The following SORL1 variants were observed in gnomAD, a reference collection of about 807,000 sequenced individuals.
The protein encoded by SORL1 is sortilin related receptor 1.
SORL1 carries 127 observed loss-of-function variants against 273.7 expected under a neutral mutation model. That is an observed-to-expected ratio of 0.46 (90% CI 0.40 to 0.54). The LOEUF is 0.54. Among genes scored for constraint, SORL1 ranks in the 20% least tolerant of loss-of-function variants. The probability of loss-of-function intolerance (pLI) is 0.00; values close to 1 mark genes in which losing one functional copy is unlikely to be tolerated. For missense variants in SORL1, 2,494 were observed against 2,846.1 expected (o/e 0.88, Z 2.81); for synonymous variants, 1,031 against 1,067.4 (o/e 0.97, Z 0.66).
intron 1 of SORL1, among the ~76,000 whole-genome samples, chr11:121,462,484 C>A (rs1392596022): frequency 1.3e-5 from 2 of 152,204 alleles, no homozygotes; most frequent in Non-Finnish European, 2.9e-5. Flanking sequence ...CCCTGTGTAA[C>A]AACAGTAATT....
At chr11:121,570,477 A>AT (rs1322120710) in intron 23 of SORL1, among the ~76,000 whole-genome samples, 3 of 152,096 alleles carry the variant, frequency 2.0e-5, no homozygotes, top group Non-Finnish European at 4.4e-5. Flanking sequence ...TATACATAAT[A>AT]TTTTTTTAAC....
chr11:121,620,900 G>T (rs1001952358), intron 43 of SORL1, among the ~76,000 whole-genome samples, 164 bp from the exon 44 acceptor site: 6 of 152,192 alleles, frequency 3.9e-5, no homozygotes, highest in South Asian at 2.1e-4. Context: ...ATTGGATCTG[G>T]TCACTCCAAA....
chr11:121,513,235 G>T, intron 7 of SORL1, 131 bp downstream of exon 7: 1 of 721,966 alleles, frequency 1.4e-6, no homozygotes, highest in Non-Finnish European at 2.5e-6. Flanking sequence ...GGTCTCTAGA[G>T]AGTGCAGCTA....
chr11:121,562,631 G>A (rs1477524227), intron 21 of SORL1, among the ~76,000 whole-genome samples: 1 of 152,100 alleles, frequency 6.6e-6, no homozygotes, highest in Admixed American at 6.6e-5. Context: ...GTTCTTGTAC[G>A]CAAGGAACCC....
intron 25 of SORL1, among the ~76,000 whole-genome samples, chr11:121,582,827 C>T (rs1317112002): frequency 6.6e-6 from 1 of 152,170 alleles, no homozygotes; most frequent in Non-Finnish European, 1.5e-5. Flanking sequence ...TTCCTCTGGC[C>T]TGAGGTTTTT....
intron 12 of SORL1, among the ~76,000 whole-genome samples, chr11:121,535,130 G>T (rs551279): frequency 0.98 from 149,603 of 151,992 alleles, 73,681 homozygotes; most frequent in East Asian, 1. Flanking sequence ...AGAGGAGACC[G>T]AGCTAGTGTG....
Position 121,596,502 on chromosome 11 carries a change from C to G in SORL1, c.4519+730C>G, listed in dbSNP as rs562559551. ...GGCTGGTCTGTCCTACTGTAGCAGA[C>G]TTGGGAGGGCATGGCTGGACGGTGC... On this transcript the variant is annotated intron_variant, in intron 32 of 47. Coordinates refer to ENST00000260197, the MANE Select transcript of SORL1 (RefSeq NM_003105.6). The surrounding 1 kb of genome is among the most constrained non-coding windows in gnomAD (Gnocchi z 4.3). Among the ~76,000 whole-genome samples, 141 of 152,356 alleles carry G rather than the reference C, an allele frequency of 9.3e-4. 1 individual carries two copies. Among genetic ancestry groups the G allele is most frequent in the Admixed American group, 2.7e-3 (41 of 15,310 alleles).
At chr11:121,573,864 T>C (rs1298787098) in intron 23 of SORL1, among the ~76,000 whole-genome samples, 2 of 152,218 alleles carry the variant, frequency 1.3e-5, no homozygotes, top group African/African-American at 2.4e-5. Context: ...TTGTGTGAAA[T>C]TGAGCTTCTC....
chr11:121,566,942 A>T lies in SORL1; in HGVS notation c.3052A>T (p.Ser1018Cys), dbSNP rs1862762946. The T allele has an allele frequency of 6.2e-7, 1 of 1,612,896 alleles. No homozygotes were observed. ...KIFYKGKNTG[S>C]NACVPRPCSL... ...GCTGCTGTTTGTCTTCCCTCCAGGA[A>T]GCAATGCCTGTGTGCCCAGGCCATG... is the stretch of plus-strand genomic sequence containing the variant. The change falls in exon 22 of 48, where the codon AGC becomes TGC. Residue 1018 changes from serine (S) to cysteine (C), a missense_variant and splice_region_variant. This residue lies in a region of SORL1 where 1,609 missense variants were observed against 1,816.4 expected (regional missense o/e 0.89). Transcript: ENST00000260197.
At chr11:121,611,433 A>G (rs890677858) in intron 39 of SORL1, 3 of 286,636 alleles carry the variant, frequency 1.0e-5, no homozygotes, top group African/African-American at 2.2e-5. Flanking sequence ...GCAAATAAAG[A>G]GTTGGTGTTA....
At chr11:121,460,428 G>A (rs1049421763) in intron 1 of SORL1, among the ~76,000 whole-genome samples, 6 of 128,766 alleles carry the variant, frequency 4.7e-5, no homozygotes, top group African/African-American at 9.0e-5. Flanking sequence ...ACAGAGTCTC[G>A]CTCCGTCACC....
At chr11:121,506,920 C>G (rs1213490539) in intron 6 of SORL1, among the ~76,000 whole-genome samples, 1 of 151,904 alleles carries the variant, frequency 6.6e-6, no homozygotes, top group African/African-American at 2.4e-5. Context: ...TACAGATTTT[C>G]TAGGGTGACA....
chr11:121,586,338 A>G lies in SORL1; in HGVS notation c.3814+9A>G. ...CGATGAACAGCACTGCGGTGAGTTC[A>G]TTCCTTGCCCCCAGGAAGCACTCAG... On this transcript the variant is annotated intron_variant, in intron 27 of 47. Transcript: ENST00000260197. The G allele has an allele frequency of 3.1e-6, 5 of 1,605,142 alleles. No individual in the cohort carries two copies. The highest frequency in any genetic ancestry group is 4.3e-6 in the Non-Finnish European group (5 of 1,171,676).
At chr11:121,475,585 C>T (rs140144422) in intron 2 of SORL1, among the ~76,000 whole-genome samples, 31 of 152,276 alleles carry the variant, frequency 2.0e-4, no homozygotes, top group Middle Eastern at 3.4e-3. Flanking sequence ...TTTCTCTCTG[C>T]GGGCCAGCAC....
chr11:121,570,821 A>C (rs1354452140), intron 23 of SORL1, among the ~76,000 whole-genome samples: 1 of 152,186 alleles, frequency 6.6e-6, no homozygotes, highest in Non-Finnish European at 1.5e-5. Flanking sequence ...AGGCTGTATA[A>C]TTTTTAAGAT....
At chr11:121,612,692 C>T (rs1010159) in intron 39 of SORL1, 44 bp from the exon 40 acceptor site, 854,146 of 1,396,550 alleles carry the variant, frequency 0.61, 267,884 homozygotes, top group Non-Finnish European at 0.66. Context: ...TTAGTGTGCC[C>T]CATGACTAGC....
intron 5 of SORL1, among the ~76,000 whole-genome samples, chr11:121,496,375 G>A (rs941792559): frequency 1.3e-5 from 2 of 152,246 alleles, no homozygotes; most frequent in African/African-American, 4.8e-5. Context: ...CTAGATCCAT[G>A]ACATTGGTAG....
At chr11:121,528,818 C>A (rs936552779) in intron 11 of SORL1, among the ~76,000 whole-genome samples, 1 of 152,068 alleles carries the variant, frequency 6.6e-6, no homozygotes, top group Non-Finnish European at 1.5e-5. Flanking sequence ...ATCACGTGCA[C>A]TGGGAAGGAA....
At chr11:121,494,537 T>A (rs1861600109) in intron 5 of SORL1, among the ~76,000 whole-genome samples, 1 of 152,148 alleles carries the variant, frequency 6.6e-6, no homozygotes, top group Admixed American at 6.6e-5. Flanking sequence ...GTGAGGCTGG[T>A]GACTGCTCAG....
Sources: allele counts gnomAD v4.1 joint callset (sites outside exome capture counted in the v4.1 genomes callset), GRCh38; gene constraint gnomAD v4.1.1; regional missense constraint gnomAD v4.1.1; non-coding constraint Gnocchi (gnomAD v3.1); transcripts MANE v1.5; gene names NCBI Gene and HGNC (gene_info 2026-07-23, HGNC 2026-07-21).